Variants in PTP4A1 observed in about 807,000 individuals in gnomAD.
PTP4A1 encodes protein tyrosine phosphatase type IVA 1.
PTP4A1 carries 9 observed loss-of-function variants against 20.5 expected under a neutral mutation model. The observed-to-expected ratio is 0.44, with a 90% CI of 0.26 to 0.77. PTP4A1 has a LOEUF of 0.77. Ranked by LOEUF, PTP4A1 falls within the 30% of genes least tolerant of loss-of-function variation. The pLI, the probability that PTP4A1 is intolerant of heterozygous loss-of-function variation, is 0.19. For missense variants in PTP4A1, 137 were observed against 218.8 expected (o/e 0.63, Z 2.36); for synonymous variants, 78 against 67.4 (o/e 1.16, Z -0.77).
chr6:63,528,144 G>C (rs1260484994), intron 2 of PTP4A1: 1 of 152,138 alleles, frequency 6.6e-6, no homozygotes, highest in Non-Finnish European at 1.5e-5. Flanking sequence ...AGTGGTTGCT[G>C]GGTAACCCAC....
chr6:63,573,118 C>T (rs1174909493), intron 1 of PTP4A1: 1 of 163,640 alleles, frequency 6.1e-6, no homozygotes, highest in Non-Finnish European at 1.3e-5. Flanking sequence ...TGGTCTGGCG[C>T]GACCCGTCCG....
chr6:63,569,519 C>G (rs1777328736), upstream of PTP4A1, among the ~76,000 whole-genome samples: 1 of 152,244 alleles, frequency 6.6e-6, no homozygotes, highest in Admixed American at 6.5e-5. Context: ...CCACCTTGGT[C>G]TCCCAAAGTA....
upstream of PTP4A1, among the ~76,000 whole-genome samples, chr6:63,570,512 C>T (rs1441568603): frequency 6.6e-6 from 1 of 152,200 alleles, no homozygotes; most frequent in African/African-American, 2.4e-5. Context: ...TGACTGGATA[C>T]TTCGTGTCAG....
chr6:63,578,653 A>T, intron 3 of PTP4A1, 124 bp downstream of exon 3: 1 of 1,344,886 alleles, frequency 7.4e-7, no homozygotes. Flanking sequence ...AACAAATATT[A>T]TATTATTGTG....
intron 3 of PTP4A1, 132 bp from the exon 4 acceptor site, chr6:63,578,766 A>G (rs552684661): frequency 8.8e-7 from 1 of 1,139,322 alleles, no homozygotes; most frequent in East Asian, 2.8e-5. Context: ...GGTAGACAAC[A>G]GGGTTTAATA....
At chr6:63,523,209 C>T (rs1215582781) in intron 1 of PTP4A1, among the ~76,000 whole-genome samples, 7 of 152,018 alleles carry the variant, frequency 4.6e-5, no homozygotes, top group African/African-American at 1.7e-4. Flanking sequence ...TACGAGTCAT[C>T]AAAAACAACT....
In PTP4A1 at chr6:63,582,348, A is replaced by G. The variant is rs377511267; in HGVS notation, c.*2174A>G. 1 of 152,642 alleles carries G rather than the reference A, an allele frequency of 6.6e-6. No individual in the cohort carries two copies. The highest frequency in any genetic ancestry group is 1.5e-5 in the Non-Finnish European group (1 of 68,034). 9.5% of individuals were successfully genotyped at this position (152,642 alleles called of 1,614,324 possible). On this transcript the variant is annotated 3_prime_UTR_variant, in exon 6 of 6. Transcript: ENST00000626021. Reference sequence around the variant, plus strand: ...CATGATTAATGAAAACTATCTTTTGAGTTTGAAAAGAAATTAATTTGCAGT... The same window carrying G: ...CATGATTAATGAAAACTATCTTTTGGGTTTGAAAAGAAATTAATTTGCAGT...
chr6:63,524,377 G>A (rs1033648606), intron 1 of PTP4A1, among the ~76,000 whole-genome samples: 1 of 152,036 alleles, frequency 6.6e-6, no homozygotes, highest in Non-Finnish European at 1.5e-5. Flanking sequence ...ATTTCATATT[G>A]AAGACCAGTA....
intron 2 of PTP4A1, chr6:63,549,578 A>T (rs1776346864): frequency 2.9e-4 from 160 of 557,500 alleles, no homozygotes; most frequent in Middle Eastern, 9.6e-4. Context: ...TTTTTTTTTT[A>T]AAGAAAACCT....
chr6:63,536,330 CA>C (rs547433981), intron 2 of PTP4A1, among the ~76,000 whole-genome samples: 3 of 149,364 alleles, frequency 2.0e-5, no homozygotes, highest in African/African-American at 7.4e-5. Flanking sequence ...GATTCTGTCT[CA>C]AAAAAAAAGG....
rs1340291157 is a variant in PTP4A1, at chr6:63,582,769, C to CCAT, written c.*2596_*2598dup. The CCAT allele has an allele frequency of 1.3e-5, 2 of 152,156 alleles. No homozygotes were observed. The highest frequency in any genetic ancestry group is 2.9e-5 in the Non-Finnish European group (2 of 68,042). The allele number at this position is 152,156 out of a possible 1,614,324, so 9.4% of individuals were successfully genotyped here. ...TGAAGGAAAACTCTGGAAGTAGGTG[C>CCAT]CATTGGTCATTCTGCAGTGCACTGC... On this transcript the variant is annotated 3_prime_UTR_variant, in exon 6 of 6. Coordinates refer to ENST00000626021, the MANE Select transcript of PTP4A1 (RefSeq NM_003463.5).
chr6:63,536,511 T>C (rs1486390611), intron 2 of PTP4A1, among the ~76,000 whole-genome samples: 1 of 152,210 alleles, frequency 6.6e-6, no homozygotes, highest in Non-Finnish European at 1.5e-5. Context: ...ACAGTGGTAT[T>C]CAAAAACATC....
At chr6:63,534,825 C>CA (rs1775646705) in intron 2 of PTP4A1, among the ~76,000 whole-genome samples, 1 of 54,064 alleles carries the variant, frequency 1.8e-5, no homozygotes, top group Non-Finnish European at 3.9e-5. Context: ...AATTTCTTTA[C>CA]TAAAGAATTT....
Position 63,572,694 on chromosome 6 carries a change from A to C in PTP4A1, c.-471A>C. 1 of 403,132 alleles carries C rather than the reference A, an allele frequency of 2.5e-6. No homozygotes were observed. The highest frequency in any genetic ancestry group is 6.2e-4 in the Middle Eastern group (1 of 1,608). 25.0% of individuals were successfully genotyped at this position (403,132 alleles called of 1,614,324 possible). Reference sequence around the variant, plus strand: ...GGGACCGGCTGTATGATTAGGCCACAATCTTCAATGAGTAAACATATTCCT... The same window carrying C: ...GGGACCGGCTGTATGATTAGGCCACCATCTTCAATGAGTAAACATATTCCT... On this transcript the variant is annotated 5_prime_UTR_variant, in exon 1 of 6. Transcript: ENST00000626021.
chr6:63,529,203 A>C (rs1258077890), intron 2 of PTP4A1, among the ~76,000 whole-genome samples: 4 of 148,332 alleles, frequency 2.7e-5, no homozygotes, highest in Admixed American at 2.0e-4. Flanking sequence ...ATATATATAT[A>C]TGTATATATA....
At chr6:63,560,140 C>G (rs1776871626) in intron 3 of PTP4A1, among the ~76,000 whole-genome samples, 1 of 151,832 alleles carries the variant, frequency 6.6e-6, no homozygotes, top group African/African-American at 2.4e-5. Flanking sequence ...GTGAAAAGTA[C>G]CAGCCTGGCA....
At chr6:63,529,161 GTGTATATATATATA>G (rs1942401054) in intron 2 of PTP4A1, among the ~76,000 whole-genome samples, 1 of 102,144 alleles carries the variant, frequency 9.8e-6, no homozygotes, top group Non-Finnish European at 1.9e-5. Flanking sequence ...ATATATATGT[GTGTATATATATATA>G]TGTATATATA....
In PTP4A1 at chr6:63,542,127, C is replaced by G. The variant is rs138517532; in HGVS notation, c.-639-8173C>G. The stretch of plus-strand genomic sequence containing the variant: ...ATAAATTAATGGCATTCACAGCAAC[C>G]TGGATGACATTGGAGAATACTAGTC... On this transcript the variant is annotated intron_variant, in intron 2 of 3. Coordinates refer to the PTP4A1 transcript ENST00000639568. 5.5e-3 allele frequency among the ~76,000 whole-genome samples: 833 copies of G among 151,532 alleles called. 1 individual carries two copies. Among genetic ancestry groups the G allele is most frequent in the African/African-American group, 0.018 (761 of 41,242 alleles).
intron 3 of PTP4A1, among the ~76,000 whole-genome samples, chr6:63,558,044 G>A (rs1383215371): frequency 6.6e-6 from 1 of 152,056 alleles, no homozygotes; most frequent in East Asian, 1.9e-4. Flanking sequence ...GGTAATTTTT[G>A]TATTTTTAGT....
Sources: allele counts gnomAD v4.1 joint callset (sites outside exome capture counted in the v4.1 genomes callset), GRCh38; gene constraint gnomAD v4.1.1; transcripts MANE v1.5; gene names NCBI Gene and HGNC (gene_info 2026-07-23, HGNC 2026-07-21).